Variants in MIA2 observed in about 807,000 individuals in gnomAD.
The protein encoded by MIA2 is melanoma inhibitory activity protein 2.
In MIA2, 127 loss-of-function variants were observed where a neutral mutation model predicts 167.8. The ratio of observed to expected loss-of-function variants is 0.76; its 90% CI spans 0.66 to 0.88. The LOEUF (loss-of-function observed/expected upper bound fraction) is 0.88, where lower values mean the gene tolerates loss of function less well. MIA2 is among the 40% of genes least tolerant of loss of function. The pLI is 0.00. For missense variants in MIA2, 1,690 were observed against 1,624.7 expected (o/e 1.04, Z -0.69); for synonymous variants, 552 against 541.9 (o/e 1.02, Z -0.26).
rs35159773 is a variant in MIA2 at position 39,286,696 on chromosome 14, C to CTTTTTTTTTTTTTTT, written c.2131-4322_2131-4308dup. Among the ~76,000 whole-genome samples, 4 of 142,690 alleles carry CTTTTTTTTTTTTTTT rather than the reference C, an allele frequency of 2.8e-5. 2 individuals carry two copies. Among genetic ancestry groups the CTTTTTTTTTTTTTTT allele is most frequent in the Non-Finnish European group, 3.0e-5 (2 of 66,014 alleles). 93.6% of individuals were successfully genotyped at this position (142,690 alleles called of 152,430 possible). On this transcript the variant is annotated intron_variant, in intron 9 of 28. Coordinates refer to ENST00000640607, the MANE Select transcript of MIA2 (RefSeq NM_001329214.4). The stretch of plus-strand genomic sequence containing the variant: ...TTATCCTTCTCTTCCTTCCTTCTTA[C>CTTTTTTTTTTTTTTT]TTTTTTTTTTTTTTTGAGACAGGCT...
At chr14:39,363,181 A>G (rs141552268) in intron 23 of MIA2, among the ~76,000 whole-genome samples, 3 of 152,370 alleles carry the variant, frequency 2.0e-5, no homozygotes, top group Non-Finnish European at 4.4e-5. Flanking sequence ...CAGCTGTCAG[A>G]TAAGATTTTC....
Position 39,299,916 on chromosome 14 carries a change from A to T in MIA2, c.2549A>T (p.Gln850Leu). ...GAACAAGTGAGTGAACTTAATAAAC[A>T]GAAAGTAACATTTGAAGACTCCAAA... ...WKEQVSELNK[Q>L]KVTFEDSKVH... Residue 850 changes from glutamine to leucine, a missense_variant, in exon 14 of 29, where the codon CAG (glutamine) becomes CTG (leucine). Transcript: ENST00000640607. The T allele has an allele frequency of 6.2e-7, 1 of 1,609,794 alleles. No homozygotes were observed. Among genetic ancestry groups the T allele is most frequent in the Non-Finnish European group, 8.5e-7 (1 of 1,178,888 alleles).
intron 25 of MIA2, among the ~76,000 whole-genome samples, chr14:39,344,153 A>C (rs965070664): frequency 1.3e-5 from 2 of 152,248 alleles, no homozygotes; most frequent in African/African-American, 4.8e-5. Flanking sequence ...AGTGGAGGGC[A>C]ACATAGCCAT....
chr14:39,314,208 A>C (rs1269725464), intron 19 of MIA2, among the ~76,000 whole-genome samples: 2 of 152,158 alleles, frequency 1.3e-5, no homozygotes, highest in Non-Finnish European at 2.9e-5. Flanking sequence ...CAACATGATG[A>C]AACCCCATCT....
chr14:39,322,414 G>C (rs939005767), intron 24 of MIA2, among the ~76,000 whole-genome samples: 1 of 151,954 alleles, frequency 6.6e-6, no homozygotes, highest in African/African-American at 2.4e-5. Flanking sequence ...GGTGGTGGGC[G>C]CCTGTAGTCC....
At chr14:39,282,879 T>C (rs537907917) in intron 9 of MIA2, among the ~76,000 whole-genome samples, 1 of 152,362 alleles carries the variant, frequency 6.6e-6, no homozygotes, top group African/African-American at 2.4e-5. Context: ...GGCCATATTT[T>C]CTGACCTACA....
At chr14:39,304,421 T>G in intron 17 of MIA2, 40 bp downstream of exon 17, 1 of 1,084,318 alleles carries the variant, frequency 9.2e-7, no homozygotes, top group Non-Finnish European at 1.3e-6. Flanking sequence ...TTTTTCTAAG[T>G]AAGTACATCT....
intron 17 of MIA2, among the ~76,000 whole-genome samples, chr14:39,305,960 ATATAT>A (rs2063279805): frequency 6.6e-6 from 1 of 151,790 alleles, no homozygotes; most frequent in Admixed American, 6.6e-5. Flanking sequence ...AAGTACATAA[ATATAT>A]TAAATAATTA....
intron 23 of MIA2, chr14:39,386,670 A>G: frequency 9.1e-7 from 1 of 1,097,582 alleles, no homozygotes; most frequent in Non-Finnish European, 1.4e-6. Context: ...CAGATCAAAG[A>G]CCTTCTCATT....
chr14:39,250,237 A>C lies in MIA2; in HGVS notation c.1567+2096A>C, dbSNP rs564643992. 9.2e-5 allele frequency among the ~76,000 whole-genome samples: 14 copies of C among 152,350 alleles called. 1 individual carries two copies. Among genetic ancestry groups the C allele is most frequent in the African/African-American group, 1.4e-4 (6 of 41,580 alleles). Reference sequence around the variant, plus strand: ...TTTAGAGCACAATCATAGAAACTCAAGGAATACAAAAGGATTTCACAAAAA... The same window carrying C: ...TTTAGAGCACAATCATAGAAACTCACGGAATACAAAAGGATTTCACAAAAA... On this transcript the variant is annotated intron_variant, in intron 4 of 28. Transcript: ENST00000640607.
chr14:39,266,183 C>G, intron 6 of MIA2: 1 of 985,330 alleles, frequency 1.0e-6, no homozygotes, highest in East Asian at 1.1e-4. Context: ...GTATCTGCTC[C>G]TTTTTGAGTT....
chr14:39,386,820 A>G (rs1431688169), intron 23 of MIA2: 1 of 971,348 alleles, frequency 1.0e-6, no homozygotes, highest in Non-Finnish European at 1.7e-6. Flanking sequence ...ACTGATGACC[A>G]TAGAATTCTC....
intron 23 of MIA2, chr14:39,386,404 T>C: frequency 6.4e-7 from 1 of 1,558,410 alleles, no homozygotes; most frequent in Non-Finnish European, 8.8e-7. Context: ...TACGTTTCCT[T>C]TTGGCTTTAA....
chr14:39,293,406 A>G, intron 11 of MIA2, 25 bp downstream of exon 11: 2 of 1,408,140 alleles, frequency 1.4e-6, no homozygotes. Context: ...TTTGAGGAGA[A>G]TATAAGAAAA....
chr14:39,355,823 G>A (rs905227185), downstream of MIA2, among the ~76,000 whole-genome samples: 1 of 152,136 alleles, frequency 6.6e-6, no homozygotes, highest in Non-Finnish European at 1.5e-5. Flanking sequence ...TGTGGTTTTT[G>A]TCGTTGGTTC....
chr14:39,304,359 T>C lies in MIA2; in HGVS notation c.2856T>C (p.Asp952=), dbSNP rs2062988779. The C allele has an allele frequency of 6.4e-7, 1 of 1,568,626 alleles. No individual in the cohort carries two copies. The highest frequency in any genetic ancestry group is 8.6e-7 in the Non-Finnish European group (1 of 1,156,726). The change falls in exon 17 of 29, where the codon GAT becomes GAC. Residue 952 remains aspartate, a synonymous_variant. Transcript: ENST00000640607. The stretch of plus-strand genomic sequence containing the variant: ...TTTATATTCAGTTGTCTGAAGTTGA[T>C]AAAACAAAGGAAGAGCTTACAGGTA... ...NQIYIQLSEV[D]KTKEELTEHI...
intron 7 of MIA2, among the ~76,000 whole-genome samples, chr14:39,277,678 ATATATATAT>A (rs2058226743): frequency 1.4e-4 from 2 of 14,498 alleles, no homozygotes; most frequent in Non-Finnish European, 2.3e-4. Context: ...TCTTTTATAT[ATATATATAT>A]GTGTGTATAT....
chr14:39,262,021 T>A (rs1594739878), intron 6 of MIA2, among the ~76,000 whole-genome samples: 1 of 152,188 alleles, frequency 6.6e-6, no homozygotes, highest in East Asian at 1.9e-4. Flanking sequence ...AATTTTGGCT[T>A]TTGTTGCCAT....
intron 9 of MIA2, among the ~76,000 whole-genome samples, chr14:39,288,482 T>TTG (rs1359421772): frequency 3.8e-4 from 28 of 74,390 alleles, no homozygotes; most frequent in East Asian, 1.1e-3. Flanking sequence ...TATATTTTTT[T>TTG]TTTTTTTTTT....
Sources: allele counts gnomAD v4.1 joint callset (sites outside exome capture counted in the v4.1 genomes callset), GRCh38; gene constraint gnomAD v4.1.1; transcripts MANE v1.5; gene names NCBI Gene and HGNC (gene_info 2026-07-23, HGNC 2026-07-21).